Variants in LRP2 observed in about 807,000 individuals in gnomAD.
LRP2 encodes LDL receptor related protein 2, also known as low-density lipoprotein receptor-related protein 2.
Under a neutral mutation model 531.0 loss-of-function variants are expected in LRP2, and 172 were observed. That is an observed-to-expected ratio of 0.32 (90% confidence interval 0.29 to 0.37). The LOEUF (loss-of-function observed/expected upper bound fraction) is 0.37, where lower values mean the gene tolerates loss of function less well. Ranked by LOEUF, LRP2 falls within the 10% of genes least tolerant of loss-of-function variation. The pLI is 1.00. For missense variants in LRP2, 5,167 were observed against 5,868.3 expected (o/e 0.88, Z 3.90); for synonymous variants, 1,992 against 2,027.6 (o/e 0.98, Z 0.47).
Position 169,173,989 on chromosome 2 carries a change from G to T in LRP2, c.10944C>A (p.Ile3648=). Residue 3648 remains isoleucine (I), a synonymous_variant, in exon 56 of 79, where the codon ATC becomes ATA. Transcript: ENST00000649046. ...GQFRCANGRC[I]PQAWKCDVDN... is the part of the protein sequence containing the mutation. ...CCACATCACACTTCCAGGCCTGCGGGATGCAGCGGCCATTAGCACACCGAA... is the reference window on the plus strand; with the variant it reads ...CCACATCACACTTCCAGGCCTGCGGTATGCAGCGGCCATTAGCACACCGAA... 6.2e-7 allele frequency: 1 copy of T among 1,614,204 alleles called. No individual in the cohort carries two copies. The highest frequency in any genetic ancestry group is 8.5e-7 in the Non-Finnish European group (1 of 1,180,042).
At chr2:169,265,698 C>T (rs1287065044) in intron 16 of LRP2, among the ~76,000 whole-genome samples, 2 of 152,020 alleles carry the variant, frequency 1.3e-5, no homozygotes, top group Non-Finnish European at 2.9e-5. Flanking sequence ...AAAACACTCA[C>T]AGACATTCAA....
chr2:169,330,579 A>G (rs1685238177), intron 1 of LRP2, among the ~76,000 whole-genome samples: 1 of 152,164 alleles, frequency 6.6e-6, no homozygotes, highest in Non-Finnish European at 1.5e-5. Flanking sequence ...CACTTCTCAG[A>G]GGTTCTTCAG....
chr2:169,315,593 A>G (rs1684736674), intron 3 of LRP2, among the ~76,000 whole-genome samples: 2 of 152,238 alleles, frequency 1.3e-5, no homozygotes, highest in Non-Finnish European at 2.9e-5. Flanking sequence ...CTTCAAGGCA[A>G]GAATAGCAAA....
At position 169,225,560 on chromosome 2, in the gene LRP2, C is replaced by T. The variant is rs1016985912; in HGVS notation, c.5395-107G>A. Reference sequence around the variant, plus strand: ...CCAGCTGCTGTATTTCTTGAACAGTCCTTACACTCAGAGGAAAGGCAAACA... The same window carrying T: ...CCAGCTGCTGTATTTCTTGAACAGTTCTTACACTCAGAGGAAAGGCAAACA... On this transcript the variant is annotated intron_variant, in intron 32 of 78. Coordinates refer to ENST00000649046, the MANE Select transcript of LRP2 (RefSeq NM_004525.3). 25 of 1,308,416 alleles carry T rather than the reference C, an allele frequency of 1.9e-5. 3 individuals are homozygous for T. The South Asian group carries it at 2.9e-4, about 15-fold the overall frequency. The allele number at this position is 1,308,416 out of a possible 1,614,324, so 81.1% of individuals were successfully genotyped here.
intron 51 of LRP2, 94 bp from the exon 52 acceptor site, chr2:169,181,712 G>A (rs1162655108): frequency 5.1e-5 from 37 of 732,172 alleles, no homozygotes; most frequent in Non-Finnish European, 7.8e-5. Flanking sequence ...AATGGAGTCT[G>A]CATTCTGTAG....
rs774025616 is a variant in LRP2 at position 169,271,112 on chromosome 2, A to G, written c.2117-5T>C. 6.2e-7 allele frequency: 1 copy of G among 1,606,398 alleles called. No homozygotes were observed. Among genetic ancestry groups the G allele is most frequent in the East Asian group, 2.2e-5 (1 of 44,728 alleles). ...AAATGAGGAAATTCTGAACAGCTGTAGGAAGAATAACACAGCACAGTCAGT... is the reference window on the plus strand; with the variant it reads ...AAATGAGGAAATTCTGAACAGCTGTGGGAAGAATAACACAGCACAGTCAGT... On this transcript the variant is annotated splice_region_variant and splice_polypyrimidine_tract_variant and intron_variant, in intron 15 of 78. Transcript: ENST00000649046.
chr2:169,306,698 T>C (rs1020987696), intron 4 of LRP2, among the ~76,000 whole-genome samples: 16 of 99,472 alleles, frequency 1.6e-4, no homozygotes, highest in Non-Finnish European at 3.1e-4. Flanking sequence ...TTTACTTACC[T>C]GTTACTAGAT....
At chr2:169,192,078 G>T in intron 47 of LRP2, 45 bp from the exon 48 acceptor site, 1 of 1,483,168 alleles carries the variant, frequency 6.7e-7, no homozygotes, top group Non-Finnish European at 9.3e-7. Context: ...AGAGCTCAGT[G>T]CAGCAGTTAA....
rs1471210082 is a variant in LRP2 at position 169,279,484 on chromosome 2, C to T, written c.1453G>A (p.Glu485Lys). 1.9e-6 allele frequency: 3 copies of T among 1,613,796 alleles called. No individual in the cohort carries two copies. The highest frequency in any genetic ancestry group is 2.5e-6 in the Non-Finnish European group (3 of 1,179,798). ...DWVNNKIYLV[E>K]TKVNRIDMVN... ...ATATCTATGCGGTTGACCTTGGTTT[C>T]CACTAGATAGATTTTATTATTAACC... Residue 485 changes from glutamate to lysine, a missense_variant, in exon 12 of 79, where the codon GAA becomes AAA. Glu to Lys is a moderately conservative substitution (Grantham distance 56). This residue lies in a region of LRP2 where 2,811 missense variants were observed against 3,058.0 expected (regional missense o/e 0.92). Coordinates refer to ENST00000649046, the MANE Select transcript of LRP2 (RefSeq NM_004525.3).
At position 169,206,646 on chromosome 2, in the gene LRP2, A is replaced by G; in HGVS notation, c.7074T>C (p.Phe2358=). ...ENNGGCSHLC[F]ALPGLHTPKC... Reference sequence around the variant, plus strand: ...TTGGGGTGTGCAATCCAGGCAGAGCAAAGCAGAGATGAGAGCACCCACCAT... The same window carrying G: ...TTGGGGTGTGCAATCCAGGCAGAGCGAAGCAGAGATGAGAGCACCCACCAT... Residue 2358 remains phenylalanine, a synonymous_variant, in exon 39 of 79, where the codon TTT becomes TTC. Coordinates refer to ENST00000649046, the MANE Select transcript of LRP2 (RefSeq NM_004525.3). 6.2e-7 allele frequency: 1 copy of G among 1,614,164 alleles called. No individual in the cohort carries two copies. The highest frequency in any genetic ancestry group is 1.1e-5 in the South Asian group (1 of 91,084).
At chr2:169,293,606 C>T (rs575321239) in intron 6 of LRP2, among the ~76,000 whole-genome samples, 3 of 152,202 alleles carry the variant, frequency 2.0e-5, no homozygotes, top group South Asian at 4.2e-4. Context: ...ACCCAGGAGG[C>T]GGAAGTGGCA....
Position 169,148,122 on chromosome 2 carries a change from C to T in LRP2, c.12591-1163G>A, listed in dbSNP as rs117907578. Reference sequence around the variant, plus strand: ...GACAAACTGGGCTCTGGAAAAAATGCAGCCAGGGGCCTTTAAAGTCTCAAC... The same window carrying T: ...GACAAACTGGGCTCTGGAAAAAATGTAGCCAGGGGCCTTTAAAGTCTCAAC... On this transcript the variant is annotated intron_variant, in intron 68 of 78. Coordinates refer to ENST00000649046, the MANE Select transcript of LRP2 (RefSeq NM_004525.3). Among the ~76,000 whole-genome samples, 120 of 152,328 alleles carry T rather than the reference C, an allele frequency of 7.9e-4. No individual in the cohort carries two copies. The East Asian group carries it at 0.021, about 26-fold the overall frequency.
At chr2:169,198,677 G>T in intron 45 of LRP2, 109 bp downstream of exon 45, 1 of 1,326,898 alleles carries the variant, frequency 7.5e-7, no homozygotes, top group Non-Finnish European at 1.1e-6. Context: ...GAAGGTCAAT[G>T]TGAAATGACA....
At chr2:169,131,254 AGTGTGTGTGTGT>A (rs3835382) in intron 77 of LRP2, among the ~76,000 whole-genome samples, 165 of 148,640 alleles carry the variant, frequency 1.1e-3, no homozygotes, top group African/African-American at 3.8e-3. Context: ...TGAGTGTATG[AGTGTGTGTGTGT>A]GTGTGTGTGT....
chr2:169,300,558 G>T (rs1046385902), intron 4 of LRP2, among the ~76,000 whole-genome samples: 1 of 152,098 alleles, frequency 6.6e-6, no homozygotes, highest in Non-Finnish European at 1.5e-5. Flanking sequence ...TGTTGTAAAA[G>T]GGAGCAGAGT....
chr2:169,267,402 T>C (rs996138098), intron 16 of LRP2, among the ~76,000 whole-genome samples: 5 of 152,120 alleles, frequency 3.3e-5, no homozygotes, highest in Admixed American at 1.3e-4. Flanking sequence ...TATAACAAAC[T>C]GTCTCTCAGA....
At chr2:169,334,329 T>C (rs1454483480) in intron 1 of LRP2, among the ~76,000 whole-genome samples, 1 of 152,126 alleles carries the variant, frequency 6.6e-6, no homozygotes, top group Non-Finnish European at 1.5e-5. Context: ...TTAAAGCCAT[T>C]TGCTTACTGG....
intron 46 of LRP2, among the ~76,000 whole-genome samples, chr2:169,194,793 T>G (rs1162430691): frequency 6.9e-6 from 1 of 144,340 alleles, no homozygotes; most frequent in Non-Finnish European, 1.5e-5. Context: ...CGATCTCGGC[T>G]CACTGCAACC....
At position 169,271,305 on chromosome 2, in the gene LRP2, A is replaced by G. The variant is rs74499879; in HGVS notation, c.2117-198T>C. Among the ~76,000 whole-genome samples, 624 of 152,186 alleles carry G rather than the reference A, an allele frequency of 4.1e-3. 1 individual carries two copies. Among genetic ancestry groups the G allele is most frequent in the African/African-American group, 0.014 (590 of 41,540 alleles). ...AAAGATAAGCAACTATGAGGGAGAT[A>G]CAAGTATTAGAATCTTCCTTCTTCC... On this transcript the variant is annotated intron_variant, in intron 15 of 78. Transcript: ENST00000649046.
Sources: gnomAD v4.1 joint callset for allele counts (sites outside exome capture counted in the v4.1 genomes callset) on GRCh38, gnomAD v4.1.1 for gene constraint, gnomAD v4.1.1 regional missense constraint, MANE v1.5 for transcripts, NCBI Gene and HGNC (gene_info 2026-07-23, HGNC 2026-07-21) for gene names.